Variants in GALNT18 observed in about 807,000 individuals in gnomAD.
The protein encoded by GALNT18 is GalNAc-transferase 18.
GALNT18 carries 44 observed loss-of-function variants against 69.5 expected under a neutral mutation model. The observed-to-expected ratio is 0.63, with a 90% CI of 0.50 to 0.81. GALNT18 has a LOEUF of 0.81. Among genes scored for constraint, GALNT18 ranks in the 40% least tolerant of loss-of-function variants. GALNT18 has a pLI of 0.00. For synonymous variants in GALNT18, 364 were observed against 318.2 expected (o/e 1.14, Z -1.53); for missense variants, 715 against 810.0 (o/e 0.88, Z 1.42).
rs774862459 is a variant in GALNT18 at position 11,404,746 on chromosome 11, C to T, written c.596-25482G>A. ...AACCTTAACATCCTTTTGACCTCAA[C>T]CTTCCTCCCGGCTCCAGCCCCGCAC... On this transcript the variant is annotated intron_variant, in intron 3 of 10. Transcript: ENST00000227756. This position sits in a 1 kb window ranked among gnomAD's most constrained non-coding sequence, Gnocchi z 4.5. Among the ~76,000 whole-genome samples, 1 of 152,178 alleles carries T rather than the reference C, an allele frequency of 6.6e-6. No individual in the cohort carries two copies. The highest frequency in any genetic ancestry group is 1.5e-5 in the Non-Finnish European group (1 of 68,042).
intron 3 of GALNT18, among the ~76,000 whole-genome samples, chr11:11,419,372 G>C (rs901109710): frequency 6.6e-6 from 1 of 152,004 alleles, no homozygotes; most frequent in Non-Finnish European, 1.5e-5. Context: ...CAAGGTGGGT[G>C]GATCACTTGA....
In GALNT18 at chr11:11,314,191, G is replaced by C. The variant is rs574071219; in HGVS notation, c.1512+12895C>G. Among the ~76,000 whole-genome samples, 85 of 152,280 alleles carry C rather than the reference G, an allele frequency of 5.6e-4. No individual in the cohort carries two copies. Among genetic ancestry groups the C allele is most frequent in the African/African-American group, 1.9e-3 (77 of 41,554 alleles). On this transcript the variant is annotated intron_variant, in intron 9 of 10. Transcript: ENST00000227756. This position sits in a 1 kb window ranked among gnomAD's most constrained non-coding sequence, Gnocchi z 5.2. ...CCAAAGAACGGTGGGTGGAGGGCAA[G>C]AGACTCAGCCCCTCTCTGGTTAGTG...
In GALNT18 at chr11:11,372,062, T is replaced by C. The variant is rs1486009319; in HGVS notation, c.1092+453A>G. On this transcript the variant is annotated intron_variant, in intron 6 of 10. Transcript: ENST00000227756. This position sits in a 1 kb window ranked among gnomAD's most constrained non-coding sequence, Gnocchi z 4.9. ...GCTGTTTATACACCCTGAGTTTATT[T>C]CTCTGGGCTATCTCTTAACAAAGTC... Among the ~76,000 whole-genome samples the C allele has an allele frequency of 6.6e-6, 1 of 152,176 alleles. No homozygotes were observed. Among genetic ancestry groups the C allele is most frequent in the Non-Finnish European group, 1.5e-5 (1 of 68,030 alleles).
rs1400124904 is a variant in GALNT18 at position 11,314,998 on chromosome 11, T to C, written c.1512+12088A>G. Among the ~76,000 whole-genome samples, 1 of 152,006 alleles carries C rather than the reference T, an allele frequency of 6.6e-6. No homozygotes were observed. Among genetic ancestry groups the C allele is most frequent in the Non-Finnish European group, 1.5e-5 (1 of 68,004 alleles). On this transcript the variant is annotated intron_variant, in intron 9 of 10. Transcript: ENST00000227756. The surrounding 1 kb of genome is among the most constrained non-coding windows in gnomAD (Gnocchi z 5.2). ...GGTTTTAAGATTACATCAACTGACA[T>C]ACTGAAAGTGTCTAGCAGAGATGGA... is the stretch of plus-strand genomic sequence containing the variant.
chr11:11,446,182 C>T (rs1047244922), intron 2 of GALNT18, among the ~76,000 whole-genome samples: 12 of 152,182 alleles, frequency 7.9e-5, no homozygotes, highest in Non-Finnish European at 1.2e-4. Context: ...CAACTCAAAC[C>T]GGAAGAATCT....
Position 11,341,325 on chromosome 11 carries a change from C to T in GALNT18, c.1093-321G>A, listed in dbSNP as rs573523399. On this transcript the variant is annotated intron_variant, in intron 6 of 10. Transcript: ENST00000227756. This position sits in a 1 kb window ranked among gnomAD's most constrained non-coding sequence, Gnocchi z 6.3. ...ACATTTTGTTCCAAAGATCTGAATT[C>T]TCCTTGCACTTGGGGGAGAAGTTAA... Among the ~76,000 whole-genome samples the T allele has an allele frequency of 2.0e-5, 3 of 152,304 alleles. No individual in the cohort carries two copies. Among genetic ancestry groups the T allele is most frequent in the African/African-American group, 7.2e-5 (3 of 41,572 alleles).
At chr11:11,589,932 G>A (rs1000464979) in intron 1 of GALNT18, among the ~76,000 whole-genome samples, 2 of 152,174 alleles carry the variant, frequency 1.3e-5, no homozygotes, top group African/African-American at 2.4e-5. Context: ...TGCAGAACCT[G>A]AGCCAGCCAT....
At chr11:11,285,098 T>C (rs1329680847) in intron 10 of GALNT18, among the ~76,000 whole-genome samples, 1 of 151,810 alleles carries the variant, frequency 6.6e-6, no homozygotes, top group Non-Finnish European at 1.5e-5. Flanking sequence ...TGGAGGGAGT[T>C]TGCTGAGGAG....
intron 6 of GALNT18, among the ~76,000 whole-genome samples, chr11:11,368,581 T>G (rs1850824879): frequency 6.6e-6 from 1 of 152,190 alleles, no homozygotes; most frequent in Non-Finnish European, 1.5e-5. Context: ...TTAGATCTAT[T>G]TTCCAGTTTC....
chr11:11,380,104 G>C (rs1193745910), intron 3 of GALNT18, among the ~76,000 whole-genome samples: 4 of 152,224 alleles, frequency 2.6e-5, no homozygotes, highest in African/African-American at 9.6e-5. Flanking sequence ...CCTGATGAGT[G>C]ATCATGCAGC....
At chr11:11,272,327 C>T (rs1848845123) in intron 10 of GALNT18, among the ~76,000 whole-genome samples, 1 of 152,174 alleles carries the variant, frequency 6.6e-6, no homozygotes, top group Non-Finnish European at 1.5e-5. Flanking sequence ...TCACACTTGC[C>T]CTGGTTCAGG....
chr11:11,577,694 AGGAAAGAG>A (rs1360781531), intron 1 of GALNT18, among the ~76,000 whole-genome samples: 1 of 152,324 alleles, frequency 6.6e-6, no homozygotes, highest in East Asian at 1.9e-4. Context: ...ACCATGCCCT[AGGAAAGAG>A]GGAAGCTCTC....
chr11:11,384,728 A>T (rs947593248), intron 3 of GALNT18, among the ~76,000 whole-genome samples: 1 of 152,154 alleles, frequency 6.6e-6, no homozygotes, highest in Admixed American at 6.5e-5. Context: ...CCAGGACCCA[A>T]CCATGCTGGC....
intron 8 of GALNT18, among the ~76,000 whole-genome samples, chr11:11,331,786 G>C (rs1324112218): frequency 3.3e-5 from 5 of 152,092 alleles, no homozygotes; most frequent in African/African-American, 1.2e-4. Context: ...AGTAGTCTTG[G>C]GGGTTTGTCA....
rs543903228 is a variant in GALNT18 at position 11,275,567 on chromosome 11, C to T, written c.1678-4277G>A. ...TCCCATTTGTCAATTTTGGCTTTTG[C>T]TGCCATTGCTTTGTGTGTTTTAGTC... On this transcript the variant is annotated intron_variant, in intron 10 of 10. Coordinates refer to ENST00000227756, the MANE Select transcript of GALNT18 (RefSeq NM_198516.3). Among the ~76,000 whole-genome samples the T allele has an allele frequency of 1.2e-3, 187 of 152,256 alleles. 2 individuals carry two copies. Among genetic ancestry groups the T allele is most frequent in the Middle Eastern group, 0.01 (3 of 294 alleles).
Position 11,605,928 on chromosome 11 carries a change from C to T in GALNT18, c.235+15431G>A, listed in dbSNP as rs544715354. Among the ~76,000 whole-genome samples, 8 of 152,282 alleles carry T rather than the reference C, an allele frequency of 5.3e-5. No individual in the cohort carries two copies. In the South Asian group the frequency reaches 1.7e-3, roughly 32 times the overall value. On this transcript the variant is annotated intron_variant, in intron 1 of 10. Transcript: ENST00000227756. The surrounding 1 kb of genome is among the most constrained non-coding windows in gnomAD (Gnocchi z 4.7). Reference sequence around the variant, plus strand: ...CGCTCATGCGCACACACACACACCACTGAGCTTCAGCTTCCCTTTGATTAA... The same window carrying T: ...CGCTCATGCGCACACACACACACCATTGAGCTTCAGCTTCCCTTTGATTAA...
intron 9 of GALNT18, among the ~76,000 whole-genome samples, chr11:11,305,219 G>C (rs972179989): frequency 6.6e-6 from 1 of 152,184 alleles, no homozygotes; most frequent in African/African-American, 2.4e-5. Context: ...TTGCAAGTGA[G>C]CCCATGCTTA....
At chr11:11,515,270 C>T (rs982242276) in intron 1 of GALNT18, among the ~76,000 whole-genome samples, 1 of 146,988 alleles carries the variant, frequency 6.8e-6, no homozygotes, top group African/African-American at 2.5e-5. Context: ...TAGTATGAGT[C>T]TTCACAACCC....
chr11:11,598,016 A>G lies in GALNT18; in HGVS notation c.235+23343T>C, dbSNP rs189995001. On this transcript the variant is annotated intron_variant, in intron 1 of 10. Transcript: ENST00000227756. The surrounding 1 kb of genome is among the most constrained non-coding windows in gnomAD (Gnocchi z 4.8). ...GTCTATCTAAAGTTCTGTCCATTTT[A>G]TTGACCTTTTCAAAGAACCAACTTT... is the stretch of plus-strand genomic sequence containing the variant. 1.3e-5 allele frequency among the ~76,000 whole-genome samples: 2 copies of G among 152,052 alleles called. No homozygotes were observed. The highest frequency in any genetic ancestry group is 3.9e-4 in the East Asian group (2 of 5,152).
Sources: allele counts gnomAD v4.1 joint callset (sites outside exome capture counted in the v4.1 genomes callset), GRCh38; gene constraint gnomAD v4.1.1; non-coding constraint Gnocchi (gnomAD v3.1); transcripts MANE v1.5; gene names NCBI Gene and HGNC (gene_info 2026-07-23, HGNC 2026-07-21).